TAFA2: variants seen among roughly 807,000 people sequenced by gnomAD.
The protein encoded by TAFA2 is chemokine-like protein TAFA-2.
A neutral mutation model predicts 18.8 loss-of-function variants in TAFA2; 7 were observed. The ratio of observed to expected loss-of-function variants is 0.37; its 90% CI spans 0.21 to 0.70. The LOEUF (loss-of-function observed/expected upper bound fraction) is 0.70, where lower values mean the gene tolerates loss of function less well. Ranked by LOEUF, TAFA2 falls within the 30% of genes least tolerant of loss-of-function variation. TAFA2 has a pLI of 0.53. For missense variants in TAFA2, 122 were observed against 158.1 expected (o/e 0.77, Z 1.23); for synonymous variants, 60 against 54.2 (o/e 1.11, Z -0.47).
rs117007782 is a variant in TAFA2 at position 61,831,166 on chromosome 12, C to A, written c.106+36154G>T. Among the ~76,000 whole-genome samples the A allele has an allele frequency of 7.1e-3, 1,079 of 152,068 alleles. 4 individuals are homozygous for A. The highest frequency in any genetic ancestry group is 0.013 in the Non-Finnish European group (856 of 67,970). The stretch of plus-strand genomic sequence containing the variant: ...GCAGTGTAAGGATTTAATTGGATCA[C>A]ATATATAAGGACCTTAGCTCAATGC... On this transcript the variant is annotated intron_variant, in intron 2 of 4. Coordinates refer to ENST00000416284, the MANE Select transcript of TAFA2 (RefSeq NM_178539.5).
intron 1 of TAFA2, among the ~76,000 whole-genome samples, chr12:62,031,655 A>G (rs1395316905): frequency 1.3e-5 from 2 of 152,164 alleles, no homozygotes; most frequent in African/African-American, 4.8e-5. Context: ...ATAAAGAATG[A>G]CATTTACCTG....
chr12:62,137,568 T>C (rs1024579243), intron 1 of TAFA2, among the ~76,000 whole-genome samples: 1 of 152,160 alleles, frequency 6.6e-6, no homozygotes, highest in African/African-American at 2.4e-5. Flanking sequence ...GGTCATCCAC[T>C]GTGCTTGGAA....
chr12:62,220,250 C>A (rs1592406875), intron 1 of TAFA2, among the ~76,000 whole-genome samples: 1 of 151,786 alleles, frequency 6.6e-6, no homozygotes, highest in African/African-American at 2.4e-5. Flanking sequence ...AAATTACACC[C>A]ACTTACTAAA....
At chr12:61,730,426 T>C (rs1448286811) in intron 4 of TAFA2, among the ~76,000 whole-genome samples, 1 of 152,198 alleles carries the variant, frequency 6.6e-6, no homozygotes, top group South Asian at 2.1e-4. Context: ...TCAGGTCTCC[T>C]GAATAAGTAT....
intron 4 of TAFA2, among the ~76,000 whole-genome samples, chr12:61,712,103 G>T (rs1397947363): frequency 6.6e-6 from 1 of 151,788 alleles, no homozygotes; most frequent in African/African-American, 2.4e-5. Flanking sequence ...AGAGAGAGAG[G>T]AAATTGAGAG....
intron 1 of TAFA2, among the ~76,000 whole-genome samples, chr12:62,225,638 TAAAG>T (rs2062782942): frequency 6.6e-6 from 1 of 151,556 alleles, no homozygotes; most frequent in Non-Finnish European, 1.5e-5. Context: ...AAATCAATAT[TAAAG>T]AAAAAAAATG....
chr12:62,089,105 G>T (rs999090356), intron 1 of TAFA2, among the ~76,000 whole-genome samples: 2 of 152,012 alleles, frequency 1.3e-5, no homozygotes, highest in African/African-American at 2.4e-5. Flanking sequence ...AGAACTTCAG[G>T]CCACCCTGAA....
chr12:62,051,666 G>C (rs1882057391), intron 1 of TAFA2, among the ~76,000 whole-genome samples: 1 of 151,734 alleles, frequency 6.6e-6, no homozygotes, highest in Non-Finnish European at 1.5e-5. Context: ...TCCATGAGGA[G>C]AGAGGCGACA....
chr12:62,150,424 T>C (rs373946725), intron 1 of TAFA2, among the ~76,000 whole-genome samples: 3 of 152,302 alleles, frequency 2.0e-5, no homozygotes, highest in Admixed American at 2.0e-4. Context: ...AGATAACTAA[T>C]ACTATATTCT....
chr12:61,890,857 C>G (rs961917195), intron 1 of TAFA2, among the ~76,000 whole-genome samples: 1 of 152,124 alleles, frequency 6.6e-6, no homozygotes, highest in Admixed American at 6.5e-5. Context: ...CCCATGTATC[C>G]TCCTCAACAT....
chr12:61,898,235 T>C (rs1008835789), intron 1 of TAFA2, among the ~76,000 whole-genome samples: 1 of 152,244 alleles, frequency 6.6e-6, no homozygotes, highest in Non-Finnish European at 1.5e-5. Context: ...GTTGAGTGTC[T>C]GCATCTTTTC....
At chr12:62,234,488 T>A in intron 1 of TAFA2, 1 of 1,086,060 alleles carries the variant, frequency 9.2e-7, no homozygotes, top group Non-Finnish European at 1.4e-6. Context: ...TGGTCAGACC[T>A]CATGAACTCT....
At chr12:61,847,890 A>G (rs1271137579) in intron 2 of TAFA2, among the ~76,000 whole-genome samples, 1 of 152,168 alleles carries the variant, frequency 6.6e-6, no homozygotes, top group Admixed American at 6.5e-5. Flanking sequence ...CAAATAACCC[A>G]ATAACTGATT....
At chr12:61,983,205 T>A (rs1322532744) in intron 1 of TAFA2, among the ~76,000 whole-genome samples, 1 of 152,100 alleles carries the variant, frequency 6.6e-6, no homozygotes, top group African/African-American at 2.4e-5. Context: ...ATCCTACATC[T>A]CCATAAATCC....
At chr12:62,056,747 T>A (rs1018419333) in intron 1 of TAFA2, among the ~76,000 whole-genome samples, 1 of 152,182 alleles carries the variant, frequency 6.6e-6, no homozygotes, top group Admixed American at 6.5e-5. Context: ...GTTTTGACCA[T>A]GAAAATGAAA....
intron 1 of TAFA2, among the ~76,000 whole-genome samples, chr12:61,889,380 AG>A (rs1419482083): frequency 6.6e-6 from 1 of 152,196 alleles, no homozygotes; most frequent in Non-Finnish European, 1.5e-5. Context: ...CCTATGGCTC[AG>A]TCTGCACCAC....
At chr12:61,747,726 G>T (rs1033899283) in intron 4 of TAFA2, among the ~76,000 whole-genome samples, 7 of 131,096 alleles carry the variant, frequency 5.3e-5, no homozygotes, top group Admixed American at 1.7e-4. Context: ...GGGGTGGGGG[G>T]AGCGGGGAGG....
At chr12:61,927,660 C>G (rs1877362271) in intron 1 of TAFA2, among the ~76,000 whole-genome samples, 2 of 152,306 alleles carry the variant, frequency 1.3e-5, no homozygotes, top group Non-Finnish European at 2.9e-5. Context: ...AGAAGAACTA[C>G]TTTAAATTTC....
chr12:62,223,488 A>T (rs1017076419), intron 1 of TAFA2, among the ~76,000 whole-genome samples: 1 of 152,182 alleles, frequency 6.6e-6, no homozygotes, highest in East Asian at 1.9e-4. Flanking sequence ...TTCAGATAGG[A>T]CAGTCTTTTC....
Sources: allele counts gnomAD v4.1 joint callset (sites outside exome capture counted in the v4.1 genomes callset), GRCh38; gene constraint gnomAD v4.1.1; transcripts MANE v1.5; gene names NCBI Gene and HGNC (gene_info 2026-07-23, HGNC 2026-07-21).